The following ZNF407 variants were observed in gnomAD, a reference collection of about 807,000 sequenced individuals.
ZNF407 encodes zinc finger protein 407.
Under a neutral mutation model 131.2 loss-of-function variants are expected in ZNF407, and 17 were observed. The observed-to-expected ratio is 0.13, with a 90% CI of 0.09 to 0.19. ZNF407 has a LOEUF of 0.19. Among genes scored for constraint, ZNF407 ranks in the 10% least tolerant of loss-of-function variants. ZNF407 has a pLI of 1.00. For missense variants in ZNF407, 2,681 were observed against 2,830.6 expected, an observed-to-expected ratio of 0.95 and a Z score of 1.20; for synonymous variants, 1,156 against 1,062.0, an observed-to-expected ratio of 1.09 and a Z score of -1.72.
rs185627052 is a variant in ZNF407, at chr18:74,944,893, C to T, written c.5428+24201C>T. Among the ~76,000 whole-genome samples the T allele has an allele frequency of 5.1e-3, 770 of 152,312 alleles. 1 individual carries two copies. The highest frequency in any genetic ancestry group is 7.5e-3 in the Non-Finnish European group (512 of 68,026). On this transcript the variant is annotated intron_variant, in intron 8 of 8. Transcript: ENST00000299687. ...ACCTCAGGGCCCAGAATCATGCATT[C>T]ATTCTCTGGTTGCAGACTGGGGATA...
chr18:74,767,649 C>CT lies in ZNF407; in HGVS notation c.4803-13757dup, dbSNP rs71905017. 5.5e-3 allele frequency among the ~76,000 whole-genome samples: 463 copies of CT among 84,408 alleles called. 23 individuals are homozygous for CT. Among genetic ancestry groups the CT allele is most frequent in the African/African-American group, 0.022 (443 of 20,556 alleles). 55.4% of individuals were successfully genotyped at this position (84,408 alleles called of 152,430 possible). A position where few individuals can be genotyped will look rare whatever the true frequency, so the allele number is the denominator to read the frequency against. ...ATTAGATTGTATAATTCTGAATTCT[C>CT]TTTTTTTTTTTTTTTTTTTTTTGAG... On this transcript the variant is annotated intron_variant, in intron 3 of 8. Transcript: ENST00000299687.
chr18:74,845,800 G>A (rs1372994034), intron 4 of ZNF407, among the ~76,000 whole-genome samples: 1 of 152,138 alleles, frequency 6.6e-6, no homozygotes, highest in Non-Finnish European at 1.5e-5. Flanking sequence ...ATACATAATA[G>A]CAGAGAATAA....
intron 3 of ZNF407, among the ~76,000 whole-genome samples, chr18:74,770,867 C>A (rs1324517943): frequency 6.6e-6 from 1 of 152,104 alleles, no homozygotes; most frequent in Non-Finnish European, 1.5e-5. Context: ...AATGCCTATT[C>A]TCAGGAGAGG....
intron 4 of ZNF407, chr18:74,804,629 C>T (rs747077994): frequency 4.1e-6 from 4 of 980,830 alleles, no homozygotes; most frequent in Non-Finnish European, 4.8e-6. Context: ...ATTACTATAG[C>T]CAGTCTCTAA....
chr18:75,017,189 A>G (rs957007267), intron 8 of ZNF407, among the ~76,000 whole-genome samples: 2 of 152,180 alleles, frequency 1.3e-5, no homozygotes, highest in African/African-American at 4.8e-5. Flanking sequence ...ACTAATTAAA[A>G]CAAATAATAA....
intron 8 of ZNF407, among the ~76,000 whole-genome samples, chr18:74,981,435 A>G (rs1405960568): frequency 2.0e-5 from 3 of 152,236 alleles, no homozygotes; most frequent in Non-Finnish European, 4.4e-5. Flanking sequence ...GGAAAGTGTA[A>G]TGGAGCATTT....
chr18:75,029,485 G>A (rs1229882741), intron 8 of ZNF407, among the ~76,000 whole-genome samples: 2 of 152,180 alleles, frequency 1.3e-5, no homozygotes, highest in African/African-American at 4.8e-5. Flanking sequence ...AGGGCAGGAT[G>A]GGTGTTCGTT....
chr18:74,906,148 T>C (rs1467276610), intron 7 of ZNF407, among the ~76,000 whole-genome samples: 1 of 152,146 alleles, frequency 6.6e-6, no homozygotes, highest in Non-Finnish European at 1.5e-5. Context: ...CATTCCTGGT[T>C]TTTGTCCTGG....
At chr18:75,034,784 C>A (rs1449615589) in intron 8 of ZNF407, among the ~76,000 whole-genome samples, 1 of 152,130 alleles carries the variant, frequency 6.6e-6, no homozygotes, top group Non-Finnish European at 1.5e-5. Context: ...GCACATAATG[C>A]TATTGTGTAG....
intron 1 of ZNF407, among the ~76,000 whole-genome samples, chr18:74,626,704 A>G (rs951884145): frequency 6.6e-6 from 1 of 152,246 alleles, no homozygotes; most frequent in African/African-American, 2.4e-5. Flanking sequence ...CCAGCAGTGC[A>G]ATGGAACATG....
At chr18:74,950,571 G>A (rs1972202325) in intron 8 of ZNF407, among the ~76,000 whole-genome samples, 1 of 152,092 alleles carries the variant, frequency 6.6e-6, no homozygotes. Context: ...AGAAAGTTTG[G>A]GTCACTGATA....
chr18:74,889,882 T>C, intron 6 of ZNF407, 36 bp from the exon 7 acceptor site: 1 of 1,570,982 alleles, frequency 6.4e-7, no homozygotes, highest in East Asian at 2.3e-5. Context: ...CAGTTGTTAT[T>C]ATTATTCATC....
chr18:74,771,354 G>A (rs1401237392), intron 3 of ZNF407, among the ~76,000 whole-genome samples: 1 of 151,930 alleles, frequency 6.6e-6, no homozygotes, highest in Non-Finnish European at 1.5e-5. Context: ...TGACAGATTT[G>A]AATACCTTTG....
chr18:74,879,187 C>T (rs1488969568), intron 5 of ZNF407, among the ~76,000 whole-genome samples: 4 of 152,042 alleles, frequency 2.6e-5, no homozygotes, highest in Admixed American at 6.6e-5. Flanking sequence ...ATTTTCTATG[C>T]TTGTTCATGT....
At chr18:74,947,806 A>G (rs1198570180) in intron 8 of ZNF407, among the ~76,000 whole-genome samples, 1 of 152,228 alleles carries the variant, frequency 6.6e-6, no homozygotes, top group Non-Finnish European at 1.5e-5. Flanking sequence ...CTGTCTTTCA[A>G]AGAACAGTGG....
rs758006433 is a variant in ZNF407, at chr18:75,063,745, C to T, written c.6024C>T (p.Leu2008=). 1.1e-5 allele frequency: 17 copies of T among 1,611,806 alleles called. No individual in the cohort carries two copies. In the Admixed American group the frequency reaches 1.2e-4, roughly 11 times the overall value. The part of the protein sequence containing the change: ...ELGEVEGRAG[L]EEQGRPGAKD... ...GGGAGGTGGAGGGCAGGGCTGGGCT[C>T]GAGGAGCAAGGCAGGCCCGGCGCCA... is the stretch of plus-strand genomic sequence containing the variant. Residue 2008 remains leucine (L), a synonymous_variant, in exon 9 of 9, where the codon CTC becomes CTT. Coordinates refer to ENST00000299687, the MANE Select transcript of ZNF407 (RefSeq NM_017757.3). The surrounding 1 kb of genome is among the most constrained non-coding windows in gnomAD (Gnocchi z 6.6).
At chr18:74,746,703 G>A (rs7244108) in intron 3 of ZNF407, among the ~76,000 whole-genome samples, 144,604 of 151,982 alleles carry the variant, frequency 0.95, 69,204 homozygotes, top group East Asian at 1. Context: ...GATAACAGTT[G>A]TGGAACTGTC....
At chr18:74,981,206 C>G (rs1172970107) in intron 8 of ZNF407, among the ~76,000 whole-genome samples, 2 of 152,218 alleles carry the variant, frequency 1.3e-5, no homozygotes, top group Non-Finnish European at 2.9e-5. Flanking sequence ...GAACAGCCAC[C>G]TAGTGCAGAG....
intron 4 of ZNF407, among the ~76,000 whole-genome samples, chr18:74,819,746 A>G (rs1344310748): frequency 6.6e-6 from 1 of 152,200 alleles, no homozygotes. Context: ...CCCCAAAGGC[A>G]CCATGCAGGT....
Sources: allele counts gnomAD v4.1 joint callset (sites outside exome capture counted in the v4.1 genomes callset), GRCh38; gene constraint gnomAD v4.1.1; non-coding constraint Gnocchi (gnomAD v3.1); transcripts MANE v1.5; gene names NCBI Gene and HGNC (gene_info 2026-07-23, HGNC 2026-07-21).